Variants in PTBP1 observed in about 807,000 individuals in gnomAD.
The protein encoded by PTBP1 is polypyrimidine tract binding protein 1, also known as polypyrimidine tract-binding protein 1.
In PTBP1, 8 loss-of-function variants were observed where a neutral mutation model predicts 59.8. That is an observed-to-expected ratio of 0.13 (90% CI 0.08 to 0.24). The LOEUF (loss-of-function observed/expected upper bound fraction) is 0.24. Ranked by LOEUF, PTBP1 falls within the 10% of genes least tolerant of loss-of-function variation. PTBP1 has a pLI of 1.00. For missense variants in PTBP1, 686 were observed against 767.0 expected (o/e 0.89, Z 1.25); for synonymous variants, 490 against 320.7 (o/e 1.53, Z -5.64).
At chr19:800,086 C>G (rs139773191) in intron 2 of PTBP1, among the ~76,000 whole-genome samples, 6,315 of 144,324 alleles carry the variant, frequency 0.044, 171 homozygotes, top group Middle Eastern at 0.076. Flanking sequence ...ACCACCATGC[C>G]CAGCTAATTT....
intron 2 of PTBP1, among the ~76,000 whole-genome samples, chr19:800,518 C>G (rs77378093): frequency 8.5e-4 from 130 of 152,256 alleles, no homozygotes; most frequent in African/African-American, 3.0e-3. Context: ...CTCCCGACTT[C>G]AGGGCTTGTG....
chr19:806,768 C>T (rs1196459484), intron 10 of PTBP1: 2 of 493,470 alleles, frequency 4.1e-6, no homozygotes, highest in East Asian at 3.5e-5. Flanking sequence ...CGCGTTTTCT[C>T]TTGCATGATA....
Position 804,707 on chromosome 19 carries a change from G to C in PTBP1, c.606+5G>C. The stretch of plus-strand genomic sequence containing the variant: ...ACCCTGGATGTGCTGCACCAGGTGA[G>C]GTGGTCCCATCACCGCCAGGGCAGG... On this transcript the variant is annotated splice_donor_5th_base_variant and intron_variant, in intron 6 of 14. Transcript: ENST00000356948. The C allele has an allele frequency of 6.2e-7, 1 of 1,611,130 alleles. No individual in the cohort carries two copies. Among genetic ancestry groups the C allele is most frequent in the Non-Finnish European group, 8.5e-7 (1 of 1,178,026 alleles).
intron 2 of PTBP1, among the ~76,000 whole-genome samples, chr19:801,774 C>T (rs138414749): frequency 2.6e-3 from 397 of 152,300 alleles, no homozygotes; most frequent in Non-Finnish European, 4.5e-3. Context: ...CCGGTCCTGG[C>T]ACTGCTGTGT....
At chr19:809,309 T>TTTAC in intron 13 of PTBP1, among the ~76,000 whole-genome samples, 1 of 144,620 alleles carries the variant, frequency 6.9e-6, no homozygotes, top group Non-Finnish European at 1.5e-5. Context: ...CCTAGCCACA[T>TTTAC]TTATTTATTT....
rs145773371 is a variant in PTBP1 at position 803,523 on chromosome 19, G to A, written c.40-38G>A. The A allele has an allele frequency of 5.1e-6, 8 of 1,583,232 alleles. No individual in the cohort carries two copies. In the Middle Eastern group the frequency reaches 5.0e-4, roughly 99 times the overall value. Reference sequence around the variant, plus strand: ...GGTGGGGAAGGGAGGCTCTGGCCTGGTGGGAAGTGCAGCTCCGCGTTGTCC... The same window carrying A: ...GGTGGGGAAGGGAGGCTCTGGCCTGATGGGAAGTGCAGCTCCGCGTTGTCC... On this transcript the variant is annotated intron_variant, in intron 2 of 14. Coordinates refer to ENST00000356948, the MANE Select transcript of PTBP1 (RefSeq NM_002819.5).
intron 2 of PTBP1, 95 bp downstream of exon 2, chr19:799,538 C>G (rs1412383549): frequency 2.3e-6 from 3 of 1,291,294 alleles, no homozygotes; most frequent in East Asian, 4.6e-5. Flanking sequence ...GGCTAGAGGG[C>G]GCTTTTCCAT....
intron 14 of PTBP1, 32 bp from the exon 15 acceptor site, chr19:810,662 C>G: frequency 1.9e-6 from 3 of 1,612,032 alleles, no homozygotes; most frequent in Non-Finnish European, 2.5e-6. Flanking sequence ...CCCAGGCTGC[C>G]CTGCGGCCGG....
intron 9 of PTBP1, chr19:806,078 G>A (rs960821163): frequency 8.7e-5 from 25 of 287,744 alleles, no homozygotes; most frequent in African/African-American, 2.5e-4. Context: ...GCGCGCATGC[G>A]CGGTGGTCCC....
At chr19:798,780 C>A (rs1432359082) in intron 1 of PTBP1, among the ~76,000 whole-genome samples, 3 of 152,254 alleles carry the variant, frequency 2.0e-5, no homozygotes, top group South Asian at 2.1e-4. Flanking sequence ...CTCGGACAGT[C>A]CGGCTTTCTA....
intron 10 of PTBP1, 163 bp from the exon 11 acceptor site, chr19:807,706 A>G: frequency 1.6e-6 from 1 of 612,998 alleles, no homozygotes; most frequent in Non-Finnish European, 2.9e-6. Flanking sequence ...GCTCTCCGGA[A>G]ACCAACCTGC....
chr19:806,723 G>C lies in PTBP1; in HGVS notation c.1119+167G>C, dbSNP rs2034598248. 3 of 562,652 alleles carry C rather than the reference G, an allele frequency of 5.3e-6. No homozygotes were observed. The South Asian group carries it at 1.0e-4, about 19-fold the overall frequency. The allele number at this position is 562,652 out of a possible 1,614,324, so 34.9% of individuals were successfully genotyped here. ...AGACCCTCCTTTTCCAAGATGGCTT[G>C]AGTTTTCCTCTTTTCCTGAATTCAC... On this transcript the variant is annotated intron_variant, in intron 10 of 14. Coordinates refer to ENST00000356948, the MANE Select transcript of PTBP1 (RefSeq NM_002819.5).
In PTBP1 at chr19:804,143, G is replaced by A. The variant is rs1568267615; in HGVS notation, c.223G>A (p.Val75Ile). 8 of 1,613,736 alleles carry A rather than the reference G, an allele frequency of 5.0e-6. No homozygotes were observed. The African/African-American group carries it at 6.7e-5, about 13-fold the overall frequency. The change falls in exon 4 of 15, where the codon GTC becomes ATC. Residue 75 changes from valine (V) to isoleucine (I), a missense_variant. Coordinates refer to ENST00000356948, the MANE Select transcript of PTBP1 (RefSeq NM_002819.5). Reference protein sequence around the residue: ...KLPIDVTEGEVISLGLPFGKV... With the variant: ...KLPIDVTEGEIISLGLPFGKV... ...CCCCATCGACGTCACGGAGGGGGAA[G>A]TCATCTCCCTGGGGCTGCCCTTTGG...
chr19:803,736 A>G (rs1235795796), intron 3 of PTBP1, 100 bp downstream of exon 3: 1 of 1,119,958 alleles, frequency 8.9e-7, no homozygotes, highest in African/African-American at 1.5e-5. Context: ...CTCCAACTGC[A>G]GGGGCCCATG....
chr19:805,212 C>T (rs1410155754), intron 8 of PTBP1, 25 bp downstream of exon 8: 2 of 1,611,132 alleles, frequency 1.2e-6, no homozygotes, highest in East Asian at 4.5e-5. Context: ...GACGCGGCGC[C>T]AGTGTGCAGA....
rs767862151 is a variant in PTBP1 at position 808,345 on chromosome 19, C to T, written c.1154-15C>T. 1.3e-6 allele frequency: 2 copies of T among 1,582,958 alleles called. No homozygotes were observed. Among genetic ancestry groups the T allele is most frequent in the South Asian group, 2.3e-5 (2 of 87,154 alleles). On this transcript the variant is annotated splice_polypyrimidine_tract_variant and intron_variant, in intron 11 of 14. Coordinates refer to ENST00000356948, the MANE Select transcript of PTBP1 (RefSeq NM_002819.5). This position sits in a 1 kb window ranked among gnomAD's most constrained non-coding sequence, Gnocchi z 4.7. The stretch of plus-strand genomic sequence containing the variant: ...GGCAGCAGGAGACTCAGGCCCCATC[C>T]CTGGGCTTTTGAAGGCGTCTACGGT...
intron 10 of PTBP1, chr19:807,408 ATG>A (rs1357877165): frequency 6.3e-6 from 1 of 159,540 alleles, no homozygotes. Flanking sequence ...CTCTGCCGGC[ATG>A]TGAGTGAAGG....
intron 2 of PTBP1, 23 bp downstream of exon 2, chr19:799,466 C>T (rs1385218096): frequency 4.3e-6 from 7 of 1,612,460 alleles, no homozygotes; most frequent in African/African-American, 4.0e-5. Context: ...CACTTTGCTT[C>T]TCCGTGACGC....
At chr19:803,107 T>C (rs2034408476) in intron 2 of PTBP1, among the ~76,000 whole-genome samples, 1 of 152,208 alleles carries the variant, frequency 6.6e-6, no homozygotes, top group Non-Finnish European at 1.5e-5. Context: ...CCACCAGAAG[T>C]GAGGACGGCT....
Sources: allele counts gnomAD v4.1 joint callset (sites outside exome capture counted in the v4.1 genomes callset), GRCh38; gene constraint gnomAD v4.1.1; non-coding constraint Gnocchi (gnomAD v3.1); transcripts MANE v1.5; gene names NCBI Gene and HGNC (gene_info 2026-07-23, HGNC 2026-07-21).